Variants in KHDRBS3 observed in about 807,000 individuals in gnomAD.
KHDRBS3 encodes KH RNA binding domain containing, signal transduction associated 3, also known as KH domain-containing, RNA-binding, signal transduction-associated protein 3.
KHDRBS3 carries 23 observed loss-of-function variants against 45.6 expected under a neutral mutation model. That is an observed-to-expected ratio of 0.50 (90% CI 0.36 to 0.72). KHDRBS3 has a LOEUF of 0.72. Ranked by LOEUF, KHDRBS3 falls within the 30% of genes least tolerant of loss-of-function variation. The probability of loss-of-function intolerance (pLI) is 0.00; values close to 1 mark genes in which losing one functional copy is unlikely to be tolerated. For missense variants in KHDRBS3, 352 were observed against 424.8 expected, an observed-to-expected ratio of 0.83 and a Z score of 1.51; for synonymous variants, 162 against 156.5, an observed-to-expected ratio of 1.04 and a Z score of -0.26.
intron 1 of KHDRBS3, among the ~76,000 whole-genome samples, chr8:135,518,331 T>G (rs1481368084): frequency 6.6e-6 from 1 of 151,940 alleles, no homozygotes; most frequent in Non-Finnish European, 1.5e-5. Flanking sequence ...TGCCACCACG[T>G]CCAGCTAATT....
At chr8:135,491,406 C>CA (rs111902256) in intron 1 of KHDRBS3, among the ~76,000 whole-genome samples, 3 of 148,284 alleles carry the variant, frequency 2.0e-5, no homozygotes, top group Non-Finnish European at 4.5e-5. Flanking sequence ...GCCCCCACAC[C>CA]AAAAAAAAGG....
intron 6 of KHDRBS3, among the ~76,000 whole-genome samples, chr8:135,599,323 C>T (rs1203407249): frequency 6.6e-6 from 1 of 152,148 alleles, no homozygotes; most frequent in East Asian, 1.9e-4. Flanking sequence ...AATTTCTCAT[C>T]CATGTTTGTT....
At chr8:135,636,514 TG>T (rs1304112789) in intron 7 of KHDRBS3, among the ~76,000 whole-genome samples, 7 of 152,182 alleles carry the variant, frequency 4.6e-5, no homozygotes, top group Non-Finnish European at 1.0e-4. Context: ...CATTTTGACT[TG>T]ATGAAACCCT....
intron 7 of KHDRBS3, among the ~76,000 whole-genome samples, chr8:135,623,006 G>A (rs1173471889): frequency 1.3e-5 from 2 of 152,062 alleles, no homozygotes; most frequent in South Asian, 2.1e-4. Flanking sequence ...GACCTTCCCC[G>A]GAACCTCAGT....
At chr8:135,632,656 TTC>T (rs1319475762) in intron 7 of KHDRBS3, among the ~76,000 whole-genome samples, 1 of 152,262 alleles carries the variant, frequency 6.6e-6, no homozygotes, top group African/African-American at 2.4e-5. Flanking sequence ...TAAATGATAA[TTC>T]TGTTTTTTTT....
chr8:135,477,773 A>G (rs1822364104), intron 1 of KHDRBS3, among the ~76,000 whole-genome samples: 1 of 152,244 alleles, frequency 6.6e-6, no homozygotes, highest in South Asian at 2.1e-4. Flanking sequence ...CTTTATAAGA[A>G]GGATGTGCAG....
chr8:135,523,301 C>T (rs1031541575), intron 2 of KHDRBS3, among the ~76,000 whole-genome samples: 4 of 152,168 alleles, frequency 2.6e-5, no homozygotes, highest in Admixed American at 6.5e-5. Context: ...TTTCTATCAA[C>T]AGCGCTTTGT....
intron 7 of KHDRBS3, among the ~76,000 whole-genome samples, chr8:135,626,319 A>G (rs1028711774): frequency 2.0e-5 from 3 of 152,220 alleles, no homozygotes; most frequent in African/African-American, 7.2e-5. Flanking sequence ...TAACTATTCT[A>G]TGCCAGCTTC....
At chr8:135,577,253 T>C (rs1042051737) in intron 5 of KHDRBS3, among the ~76,000 whole-genome samples, 1 of 152,214 alleles carries the variant, frequency 6.6e-6, no homozygotes, top group African/African-American at 2.4e-5. Context: ...GTCTCCTACT[T>C]CCTCAATAAT....
chr8:135,587,854 T>A (rs1828552698), intron 6 of KHDRBS3, among the ~76,000 whole-genome samples: 1 of 152,146 alleles, frequency 6.6e-6, no homozygotes, highest in Non-Finnish European at 1.5e-5. Flanking sequence ...CCCCTAACAC[T>A]CAGTATGGTA....
intron 4 of KHDRBS3, among the ~76,000 whole-genome samples, chr8:135,556,495 A>G (rs1826893948): frequency 6.6e-6 from 1 of 152,094 alleles, no homozygotes; most frequent in South Asian, 2.1e-4. Flanking sequence ...TATGATGAGC[A>G]TTTTTTCATA....
Position 135,606,959 on chromosome 8 carries a change from A to G in KHDRBS3, c.812A>G (p.Tyr271Cys), listed in dbSNP as rs765908380. The G allele has an allele frequency of 3.1e-6, 5 of 1,611,674 alleles. No individual in the cohort carries two copies. The highest frequency in any genetic ancestry group is 1.7e-5 in the Admixed American group (1 of 59,914). Residue 271 changes from tyrosine (Y) to cysteine (C), a missense_variant, in exon 7 of 9, where the codon TAT becomes TGT. Physicochemically the swap from Tyr to Cys is radical, Grantham distance 194. Around this residue, in one of 6 missense-constraint regions of KHDRBS3, gnomAD observed 212 missense variants for 209.6 expected, o/e 1.01. Coordinates refer to ENST00000355849, the MANE Select transcript of KHDRBS3 (RefSeq NM_006558.3). ...ACTTCTCCTGTTATGTTTTAGGACT[A>G]TGATGATGGATATGGCACTGCTTAT... ...PTQETYGEYDYDDGYGTAYDE... is the reference protein window; with the variant it reads ...PTQETYGEYDCDDGYGTAYDE...
chr8:135,625,860 C>G, intron 7 of KHDRBS3: 1 of 769,814 alleles, frequency 1.3e-6, no homozygotes, highest in Non-Finnish European at 2.4e-6. Flanking sequence ...CTAGGCAGCC[C>G]CTGAGCACAG....
chr8:135,584,331 T>C (rs1056962708), intron 6 of KHDRBS3, among the ~76,000 whole-genome samples: 1 of 152,214 alleles, frequency 6.6e-6, no homozygotes, highest in Non-Finnish European at 1.5e-5. Flanking sequence ...TTACAAGTCT[T>C]GCATACATAA....
At chr8:135,656,247 A>T (rs954518277) in exon 5 of KHDRBS3, 3 of 152,174 alleles carry the variant, frequency 2.0e-5, no homozygotes, top group Non-Finnish European at 4.4e-5. Context: ...CTATTTATGC[A>T]CTGCTTAAGA....
At position 135,485,577 on chromosome 8, in the gene KHDRBS3, C is replaced by T. The variant is rs559545093; in HGVS notation, c.88+27623C>T. Among the ~76,000 whole-genome samples, 29 of 152,138 alleles carry T rather than the reference C, an allele frequency of 1.9e-4. 1 individual carries two copies. The South Asian group carries it at 5.8e-3, about 31-fold the overall frequency. On this transcript the variant is annotated intron_variant, in intron 1 of 8. Transcript: ENST00000355849. The stretch of plus-strand genomic sequence containing the variant: ...CTTTTTGTCAATCCCGTGTTCTCAT[C>T]TAAGTTCTTGCTTATTGCAGGAATT...
chr8:135,566,807 A>G (rs1827442016), intron 5 of KHDRBS3, among the ~76,000 whole-genome samples: 1 of 152,220 alleles, frequency 6.6e-6, no homozygotes, highest in Non-Finnish European at 1.5e-5. Context: ...CAGACGTTGC[A>G]GTGAGCCGAG....
intron 1 of KHDRBS3, among the ~76,000 whole-genome samples, chr8:135,515,970 T>C (rs1824575273): frequency 6.6e-6 from 1 of 152,242 alleles, no homozygotes; most frequent in Non-Finnish European, 1.5e-5. Flanking sequence ...ATGATTTTGT[T>C]GTTGTGGACC....
At chr8:135,584,925 A>T (rs1828391685) in intron 6 of KHDRBS3, among the ~76,000 whole-genome samples, 1 of 152,054 alleles carries the variant, frequency 6.6e-6, no homozygotes, top group African/African-American at 2.4e-5. Flanking sequence ...TCTTCTTAAA[A>T]AATTTTTTTA....
Sources: allele counts gnomAD v4.1 joint callset (sites outside exome capture counted in the v4.1 genomes callset), GRCh38; gene constraint gnomAD v4.1.1; regional missense constraint gnomAD v4.1.1; transcripts MANE v1.5; gene names NCBI Gene and HGNC (gene_info 2026-07-23, HGNC 2026-07-21).